Variants in CLIP1 observed in about 807,000 individuals in gnomAD.
CLIP1 encodes CAP-Gly domain containing linker protein 1.
A neutral mutation model predicts 161.6 loss-of-function variants in CLIP1; 66 were observed. That is an observed-to-expected ratio of 0.41 (90% confidence interval 0.33 to 0.50). The LOEUF (loss-of-function observed/expected upper bound fraction) is 0.50. Among genes scored for constraint, CLIP1 ranks in the 20% least tolerant of loss-of-function variants. CLIP1 has a pLI of 0.27. For missense variants in CLIP1, 1,376 were observed against 1,702.0 expected (o/e 0.81, Z 3.37); for synonymous variants, 598 against 626.2 (o/e 0.96, Z 0.67).
intron 20 of CLIP1, among the ~76,000 whole-genome samples, chr12:122,295,690 A>G (rs1005130918): frequency 6.6e-6 from 1 of 152,232 alleles, no homozygotes; most frequent in Admixed American, 6.5e-5. Flanking sequence ...TGTTCTACCC[A>G]TCACTGAAAT....
intron 1 of CLIP1, among the ~76,000 whole-genome samples, chr12:122,384,613 T>C (rs1041676455): frequency 5.9e-5 from 9 of 151,762 alleles, no homozygotes; most frequent in African/African-American, 9.7e-5. Context: ...AATAAAAAAT[T>C]AGCCGGGCAT....
At chr12:122,342,291 G>A (rs998232350) in intron 10 of CLIP1, 1 of 152,204 alleles carries the variant, frequency 6.6e-6, no homozygotes, top group Non-Finnish European at 1.5e-5. Flanking sequence ...AAAGTTCACA[G>A]ATATAACTGC....
Position 122,334,606 on chromosome 12 carries a change from A to G in CLIP1, c.2626+42T>C, listed in dbSNP as rs780596107. The G allele has an allele frequency of 1.2e-5, 16 of 1,352,552 alleles. No individual in the cohort carries two copies. In the East Asian group the frequency reaches 2.7e-4, roughly 23 times the overall value. The allele number at this position is 1,352,552 out of a possible 1,614,324, so 83.8% of individuals were successfully genotyped here. A position where few individuals can be genotyped will look rare whatever the true frequency, so the allele number is the denominator to read the frequency against. On this transcript the variant is annotated intron_variant, in intron 13 of 25. Coordinates refer to ENST00000620786, the MANE Select transcript of CLIP1 (RefSeq NM_001247997.2). ...AGGTCAGCTCCAGTATGAAAGAATG[A>G]TATTTTTTAAAGCAATCTGCACACG...
At chr12:122,372,572 C>T (rs530356361) in intron 3 of CLIP1, among the ~76,000 whole-genome samples, 146 of 149,522 alleles carry the variant, frequency 9.8e-4, no homozygotes, top group African/African-American at 3.5e-3. Context: ...GGCAAAAGAG[C>T]GAGATTCCAT....
chr12:122,412,662 CA>C (rs1219027704), intron 1 of CLIP1, among the ~76,000 whole-genome samples: 3 of 148,962 alleles, frequency 2.0e-5, no homozygotes, highest in Admixed American at 6.7e-5. Flanking sequence ...CTCTAAAAAA[CA>C]AAAAAAAACC....
intron 2 of CLIP1, 24 bp downstream of exon 2, chr12:122,380,341 AAGG>A (rs1289449933): frequency 6.7e-7 from 1 of 1,501,936 alleles, no homozygotes; most frequent in Non-Finnish European, 9.2e-7. Flanking sequence ...CATATAGGAT[AAGG>A]AAAGGAAAAG....
chr12:122,328,914 C>A (rs921075578), intron 15 of CLIP1, among the ~76,000 whole-genome samples: 1 of 152,142 alleles, frequency 6.6e-6, no homozygotes, highest in South Asian at 2.1e-4. Context: ...CCTAAATAAT[C>A]ATTTTACCAG....
At chr12:122,412,452 T>G (rs1349142569) in intron 1 of CLIP1, among the ~76,000 whole-genome samples, 1 of 151,822 alleles carries the variant, frequency 6.6e-6, no homozygotes, top group Non-Finnish European at 1.5e-5. Context: ...GTCATCAGTT[T>G]GAGACCAGCC....
intron 21 of CLIP1, among the ~76,000 whole-genome samples, chr12:122,282,268 G>A (rs1462324568): frequency 3.3e-5 from 5 of 152,056 alleles, no homozygotes; most frequent in Non-Finnish European, 5.9e-5. Context: ...CCACCAGGAG[G>A]GACTACATTA....
At chr12:122,309,633 G>C in intron 20 of CLIP1, 129 bp downstream of exon 20, 1 of 1,085,674 alleles carries the variant, frequency 9.2e-7, no homozygotes, top group Non-Finnish European at 1.3e-6. Context: ...CATAGCACAG[G>C]TAACTTGGAA....
chr12:122,419,628 C>T (rs886675171), intron 1 of CLIP1, among the ~76,000 whole-genome samples: 12 of 152,020 alleles, frequency 7.9e-5, no homozygotes, highest in Middle Eastern at 3.4e-3. Flanking sequence ...CGAATCCCAG[C>T]AGACAGCACT....
At chr12:122,328,663 C>A (rs910046669) in intron 15 of CLIP1, among the ~76,000 whole-genome samples, 2 of 152,176 alleles carry the variant, frequency 1.3e-5, no homozygotes, top group African/African-American at 4.8e-5. Flanking sequence ...CCGCTCACTG[C>A]AAGCTCCGCC....
At chr12:122,306,401 T>C (rs1025824980) in intron 20 of CLIP1, among the ~76,000 whole-genome samples, 1 of 152,232 alleles carries the variant, frequency 6.6e-6, no homozygotes, top group African/African-American at 2.4e-5. Context: ...TGTCTTCTTC[T>C]GTAAAACAGA....
chr12:122,336,160 C>CT (rs1378931602), intron 12 of CLIP1, among the ~76,000 whole-genome samples: 2 of 152,136 alleles, frequency 1.3e-5, no homozygotes, highest in East Asian at 3.9e-4. Context: ...ATGGAATAAA[C>CT]TGAGTTAGAT....
chr12:122,314,959 G>A (rs773880837), intron 19 of CLIP1, among the ~76,000 whole-genome samples: 4 of 152,156 alleles, frequency 2.6e-5, no homozygotes, highest in Admixed American at 1.3e-4. Context: ...CTGCATAAAT[G>A]AAATTGTTGG....
intron 3 of CLIP1, among the ~76,000 whole-genome samples, chr12:122,366,385 C>T (rs556726212): frequency 6.8e-4 from 104 of 152,016 alleles, no homozygotes; most frequent in Admixed American, 5.9e-4. Flanking sequence ...CTTTGGGAGG[C>T]TGAGGTGGGA....
intron 24 of CLIP1, chr12:122,276,455 GAA>G (rs1955433611): frequency 7.8e-7 from 1 of 1,288,496 alleles, no homozygotes; most frequent in Non-Finnish European, 1.0e-6. Context: ...CTGATTGGAA[GAA>G]AAGTGTTGTC....
At chr12:122,353,998 T>C (rs1431358556) in intron 7 of CLIP1, among the ~76,000 whole-genome samples, 1 of 152,100 alleles carries the variant, frequency 6.6e-6, no homozygotes, top group Non-Finnish European at 1.5e-5. Flanking sequence ...CTTCACACAG[T>C]ATGGCAGAGT....
chr12:122,344,341 G>C (rs1397543804), intron 10 of CLIP1, among the ~76,000 whole-genome samples: 1 of 152,054 alleles, frequency 6.6e-6, no homozygotes, highest in African/African-American at 2.4e-5. Context: ...ATTTACACAT[G>C]ATTTTCTGGG....
Sources: allele counts gnomAD v4.1 joint callset (sites outside exome capture counted in the v4.1 genomes callset), GRCh38; gene constraint gnomAD v4.1.1; transcripts MANE v1.5; gene names NCBI Gene and HGNC (gene_info 2026-07-23, HGNC 2026-07-21).